The following GIGYF2 variants were observed in gnomAD, a reference collection of about 807,000 sequenced individuals.
GIGYF2 encodes the protein GRB10-interacting GYF protein 2.
A neutral mutation model predicts 208.1 loss-of-function variants in GIGYF2; 25 were observed. That is an observed-to-expected ratio of 0.12 (90% CI 0.09 to 0.17). The LOEUF is 0.17. Among genes scored for constraint, GIGYF2 ranks in the 10% least tolerant of loss-of-function variants. The probability of loss-of-function intolerance (pLI) is 1.00; values close to 1 mark genes in which losing one functional copy is unlikely to be tolerated. For missense variants in GIGYF2, 1,302 were observed against 1,579.4 expected, an observed-to-expected ratio of 0.82 and a Z score of 2.98; for synonymous variants, 534 against 543.8, an observed-to-expected ratio of 0.98 and a Z score of 0.25.
At chr2:232,832,730 C>A in intron 21 of GIGYF2, 127 bp from the exon 22 acceptor site, 1 of 705,988 alleles carries the variant, frequency 1.4e-6, no homozygotes, top group South Asian at 1.8e-5. Context: ...CTTGCATCAT[C>A]ATGAACAGAG....
chr2:232,829,541 G>A (rs769878939), intron 21 of GIGYF2, among the ~76,000 whole-genome samples: 1 of 152,224 alleles, frequency 6.6e-6, no homozygotes, highest in African/African-American at 2.4e-5. Flanking sequence ...TGGTAGAGCA[G>A]CAGAAATCTC....
intron 18 of GIGYF2, among the ~76,000 whole-genome samples, chr2:232,813,159 G>A (rs1700786025): frequency 6.6e-6 from 1 of 151,444 alleles, no homozygotes; most frequent in East Asian, 1.9e-4. Context: ...GTCTTGGTAT[G>A]GGTGAAGCAC....
At chr2:232,851,572 G>A (rs924436760) in intron 28 of GIGYF2, among the ~76,000 whole-genome samples, 3 of 151,952 alleles carry the variant, frequency 2.0e-5, no homozygotes, top group Non-Finnish European at 4.4e-5. Context: ...GGCACATGCC[G>A]CCACACCTGG....
intron 2 of GIGYF2, among the ~76,000 whole-genome samples, chr2:232,728,744 T>C (rs1444044769): frequency 6.6e-6 from 1 of 152,174 alleles, no homozygotes; most frequent in African/African-American, 2.4e-5. Context: ...ATGCCCTCTT[T>C]GCCATTCCGT....
At chr2:232,742,345 A>G (rs1444186689) in intron 3 of GIGYF2, among the ~76,000 whole-genome samples, 1 of 152,202 alleles carries the variant, frequency 6.6e-6, no homozygotes, top group Non-Finnish European at 1.5e-5. Context: ...GTTCAAGACC[A>G]GCCTGACAAA....
In GIGYF2 at chr2:232,736,108, T is replaced by C. The variant is rs922117035; in HGVS notation, c.41+870T>C. Reference sequence around the variant, plus strand: ...AGAAATATTTCTTTTTATTAATATATGTAATCTCGAAGTTTTCTTAACCTT... The same window carrying C: ...AGAAATATTTCTTTTTATTAATATACGTAATCTCGAAGTTTTCTTAACCTT... On this transcript the variant is annotated intron_variant, in intron 3 of 28. Transcript: ENST00000373563. 4.2e-6 allele frequency: 4 copies of C among 954,446 alleles called. No homozygotes were observed. In the African/African-American group the frequency reaches 5.3e-5, roughly 13 times the overall value. The allele number at this position is 954,446 out of a possible 1,614,324, so 59.1% of individuals were successfully genotyped here. A position where few individuals can be genotyped will look rare whatever the true frequency, so the allele number is the denominator to read the frequency against.
intron 20 of GIGYF2, among the ~76,000 whole-genome samples, chr2:232,819,398 T>C (rs1357891535): frequency 6.6e-6 from 1 of 152,190 alleles, no homozygotes; most frequent in Non-Finnish European, 1.5e-5. Flanking sequence ...TACTTCTGAC[T>C]GGGAGAACTT....
chr2:232,753,948 A>G (rs1397041525), intron 5 of GIGYF2, among the ~76,000 whole-genome samples: 2 of 151,960 alleles, frequency 1.3e-5, no homozygotes, highest in East Asian at 3.9e-4. Context: ...GGCAGATCAC[A>G]AAGTCAGGAG....
rs1559409553 is a variant in GIGYF2 at position 232,760,602 on chromosome 2, C to T, written c.491+11C>T. 6.5e-6 allele frequency: 10 copies of T among 1,532,250 alleles called. No individual in the cohort carries two copies. The highest frequency in any genetic ancestry group is 9.0e-6 in the Non-Finnish European group (10 of 1,105,994). The allele number at this position is 1,532,250 out of a possible 1,614,324, so 94.9% of individuals were successfully genotyped here. A position where few individuals can be genotyped will look rare whatever the true frequency, so the allele number is the denominator to read the frequency against. On this transcript the variant is annotated intron_variant, in intron 7 of 28. Transcript: ENST00000373563. ...GAGCTGGGAGGAAAGGTAACTGGATCCACATATTGGCATAAAAATTTCTTG... is the reference window on the plus strand; with the variant it reads ...GAGCTGGGAGGAAAGGTAACTGGATTCACATATTGGCATAAAAATTTCTTG...
chr2:232,713,746 C>G (rs574541482), intron 2 of GIGYF2, among the ~76,000 whole-genome samples: 9 of 152,174 alleles, frequency 5.9e-5, no homozygotes, highest in Middle Eastern at 3.4e-3. Context: ...GAATGACTCT[C>G]TTTTAGAATT....
chr2:232,822,809 A>G (rs542240991), intron 21 of GIGYF2, among the ~76,000 whole-genome samples: 14 of 152,260 alleles, frequency 9.2e-5, no homozygotes, highest in African/African-American at 3.4e-4. Flanking sequence ...TAGTACCTCC[A>G]ATAGTATTTT....
chr2:232,714,198 G>A (rs1315428927), intron 2 of GIGYF2, among the ~76,000 whole-genome samples: 6 of 152,072 alleles, frequency 3.9e-5, no homozygotes, highest in South Asian at 2.1e-4. Flanking sequence ...TGATCCGCCC[G>A]TCTCGGCCTC....
At chr2:232,765,914 T>G (rs553930244) in intron 8 of GIGYF2, 17 of 470,928 alleles carry the variant, frequency 3.6e-5, no homozygotes, top group South Asian at 1.7e-4. Flanking sequence ...CGTTTAAAGT[T>G]AGTTCCGAAG....
chr2:232,708,764 A>G (rs560686680), intron 2 of GIGYF2, among the ~76,000 whole-genome samples: 5 of 151,688 alleles, frequency 3.3e-5, no homozygotes, highest in Non-Finnish European at 7.4e-5. Context: ...TCCCAGGCTC[A>G]AGTGATCCTC....
chr2:232,741,168 C>A (rs983936388), intron 3 of GIGYF2, among the ~76,000 whole-genome samples: 1 of 152,134 alleles, frequency 6.6e-6, no homozygotes, highest in African/African-American at 2.4e-5. Flanking sequence ...CAAAACTGAT[C>A]TCGTTAGTTT....
chr2:232,718,039 A>G (rs1696769318), intron 2 of GIGYF2, among the ~76,000 whole-genome samples: 1 of 152,186 alleles, frequency 6.6e-6, no homozygotes, highest in South Asian at 2.1e-4. Flanking sequence ...TAAACATGAT[A>G]TCTGGGTGAT....
At chr2:232,712,467 T>A (rs1696465729) in intron 2 of GIGYF2, among the ~76,000 whole-genome samples, 1 of 152,232 alleles carries the variant, frequency 6.6e-6, no homozygotes, top group Non-Finnish European at 1.5e-5. Context: ...CCCTCTCTCT[T>A]ATGAGTACAT....
intron 2 of GIGYF2, among the ~76,000 whole-genome samples, chr2:232,719,648 T>C (rs1470462516): frequency 6.6e-6 from 1 of 152,044 alleles, no homozygotes; most frequent in Non-Finnish European, 1.5e-5. Context: ...TAGAAAAATA[T>C]AGGGAGAAAA....
At chr2:232,747,009 C>T (rs952333552) in intron 3 of GIGYF2, among the ~76,000 whole-genome samples, 2 of 152,040 alleles carry the variant, frequency 1.3e-5, no homozygotes, top group Non-Finnish European at 2.9e-5. Context: ...CAGTATAAAC[C>T]TAGCTGCAGG....
Sources: gnomAD v4.1 joint callset for allele counts (sites outside exome capture counted in the v4.1 genomes callset) on GRCh38, gnomAD v4.1.1 for gene constraint, MANE v1.5 for transcripts, NCBI Gene and HGNC (gene_info 2026-07-23, HGNC 2026-07-21) for gene names.